The following ASPH variants were observed in gnomAD, a reference collection of about 807,000 sequenced individuals.
ASPH encodes aspartate beta-hydroxylase.
ASPH carries 100 observed loss-of-function variants against 118.4 expected under a neutral mutation model. The ratio of observed to expected loss-of-function variants is 0.84; its 90% CI spans 0.72 to 1.00. ASPH has a LOEUF of 1.00. ASPH is among the 50% of genes least tolerant of loss of function. The pLI, the probability that ASPH is intolerant of heterozygous loss-of-function variation, is 0.00. For missense variants in ASPH, 920 were observed against 919.5 expected (o/e 1.00, Z -0.01); for synonymous variants, 315 against 325.6 (o/e 0.97, Z 0.35).
chr8:61,672,563 C>G (rs1823150312), intron 3 of ASPH, among the ~76,000 whole-genome samples: 1 of 149,476 alleles, frequency 6.7e-6, no homozygotes, highest in African/African-American at 2.4e-5. Context: ...CAAGGAGTAA[C>G]TCCTCATCCT....
At chr8:61,567,021 A>T in intron 17 of ASPH, 147 bp downstream of exon 17, 1 of 929,130 alleles carries the variant, frequency 1.1e-6, no homozygotes, top group Non-Finnish European at 1.5e-6. Context: ...AGAGATGGTG[A>T]GCCTAGGACA....
At chr8:61,637,441 C>G (rs1858325435) in intron 12 of ASPH, among the ~76,000 whole-genome samples, 2 of 152,124 alleles carry the variant, frequency 1.3e-5, no homozygotes, top group South Asian at 2.1e-4. Flanking sequence ...TAACTAAGAA[C>G]TGTATTTAAA....
chr8:61,654,650 T>C lies in ASPH; in HGVS notation c.323-990A>G, dbSNP rs564968176. On this transcript the variant is annotated intron_variant, in intron 3 of 24. Transcript: ENST00000379454. ...TTTTCCTATGTCTCTTCATGTTTCT[T>C]TTATGGACAAAAACATACTCCCACA... is the stretch of plus-strand genomic sequence containing the variant. Among the ~76,000 whole-genome samples, 3 of 152,310 alleles carry C rather than the reference T, an allele frequency of 2.0e-5. No individual in the cohort carries two copies. The East Asian group carries it at 5.8e-4, about 29-fold the overall frequency.
At chr8:61,704,223 A>C (rs965095568) in intron 1 of ASPH, among the ~76,000 whole-genome samples, 2 of 143,100 alleles carry the variant, frequency 1.4e-5, no homozygotes, top group East Asian at 2.0e-4. Context: ...AAAAAAAAAA[A>C]AAAAAAAAAA....
chr8:61,625,998 C>T, intron 13 of ASPH: 1 of 1,193,816 alleles, frequency 8.4e-7, no homozygotes, highest in Non-Finnish European at 1.0e-6. Flanking sequence ...AGCTGTCTCA[C>T]AAAAAGAAAA....
Position 61,714,473 on chromosome 8 carries a change from G to T in ASPH, c.-102C>A. ...GCTGGCGGCGGCGGGCCGCTGGAGC[G>T]GGTTCGGGCCGCTGCTCCTGCAGCA... is the stretch of plus-strand genomic sequence containing the variant. On this transcript the variant is annotated 5_prime_UTR_variant, in exon 1 of 25. Transcript: ENST00000379454. The T allele has an allele frequency of 7.4e-7, 1 of 1,353,234 alleles. No homozygotes were observed. Among genetic ancestry groups the T allele is most frequent in the South Asian group, 1.7e-5 (1 of 59,754 alleles). The allele number at this position is 1,353,234 out of a possible 1,614,324, so 83.8% of individuals were successfully genotyped here.
chr8:61,630,502 T>C (rs768949343), intron 13 of ASPH, among the ~76,000 whole-genome samples: 3 of 152,120 alleles, frequency 2.0e-5, no homozygotes, highest in Non-Finnish European at 4.4e-5. Context: ...CCAAGTGCAA[T>C]GGTTAAAAAT....
rs1036200859 is a variant in ASPH at position 61,665,471 on chromosome 8, A to T, written c.323-11811T>A. ...ACCCTTAGGAGACTCCTTCCTGGATAGGTCTGCATCAGCAATTTTCTTATC... is the reference window on the plus strand; with the variant it reads ...ACCCTTAGGAGACTCCTTCCTGGATTGGTCTGCATCAGCAATTTTCTTATC... On this transcript the variant is annotated intron_variant, in intron 3 of 24. Transcript: ENST00000379454. 4 of 1,571,830 alleles carry T rather than the reference A, an allele frequency of 2.5e-6. No homozygotes were observed. In the South Asian group the frequency reaches 4.6e-5, roughly 18 times the overall value.
chr8:61,583,847 T>C (rs1838390004), intron 15 of ASPH, 97 bp downstream of exon 15: 1 of 874,122 alleles, frequency 1.1e-6, no homozygotes, highest in Admixed American at 3.0e-5. Flanking sequence ...AACTGTTGTT[T>C]CTTTTACACT....
chr8:61,590,492 C>T (rs1384267361), intron 14 of ASPH, among the ~76,000 whole-genome samples: 3 of 151,538 alleles, frequency 2.0e-5, no homozygotes, highest in Non-Finnish European at 4.4e-5. Flanking sequence ...CCCTGGGCTG[C>T]CATTTTGCTT....
chr8:61,675,779 T>C, intron 3 of ASPH: 1 of 1,174,890 alleles, frequency 8.5e-7, no homozygotes, highest in East Asian at 4.2e-5. Context: ...AGTGAATACA[T>C]GAGTTGAAAC....
intron 22 of ASPH, among the ~76,000 whole-genome samples, chr8:61,521,480 C>A (rs886477717): frequency 6.6e-6 from 1 of 152,196 alleles, no homozygotes; most frequent in African/African-American, 2.4e-5. Flanking sequence ...GCACACATCA[C>A]ACAGCTAACA....
At position 61,574,640 on chromosome 8, in the gene ASPH, T is replaced by C. The variant is rs533188111; in HGVS notation, c.1149+2132A>G. Among the ~76,000 whole-genome samples the C allele has an allele frequency of 4.0e-5, 6 of 151,764 alleles. No homozygotes were observed. In the Middle Eastern group the frequency reaches 0.01, roughly 258 times the overall value. On this transcript the variant is annotated intron_variant, in intron 16 of 24. Coordinates refer to ENST00000379454, the MANE Select transcript of ASPH (RefSeq NM_004318.4). Reference sequence around the variant, plus strand: ...ACATGTTCTCACTCATAAGTGGGAGTTGAACAATGAGAACACATGGACACA... The same window carrying C: ...ACATGTTCTCACTCATAAGTGGGAGCTGAACAATGAGAACACATGGACACA...
chr8:61,507,623 A>G (rs1401368601), intron 24 of ASPH, among the ~76,000 whole-genome samples: 1 of 149,904 alleles, frequency 6.7e-6, no homozygotes, highest in Non-Finnish European at 1.5e-5. Flanking sequence ...AAGTGACTCC[A>G]GGTTAAATTC....
intron 18 of ASPH, among the ~76,000 whole-genome samples, chr8:61,562,391 G>GTGTGTGTGTA: frequency 4.4e-5 from 1 of 22,832 alleles, no homozygotes; most frequent in Non-Finnish European, 1.6e-4. Context: ...AAGTGTGTCT[G>GTGTGTGTGTA]TGTGTGTGTG....
intron 21 of ASPH, among the ~76,000 whole-genome samples, chr8:61,526,845 G>A (rs917203945): frequency 4.6e-5 from 7 of 152,104 alleles, no homozygotes; most frequent in African/African-American, 1.7e-4. Flanking sequence ...GGAGTGGGAG[G>A]TGGGGGACAG....
intron 14 of ASPH, among the ~76,000 whole-genome samples, chr8:61,587,953 T>C (rs1839959372): frequency 6.6e-6 from 1 of 152,158 alleles, no homozygotes; most frequent in African/African-American, 2.4e-5. Flanking sequence ...GGGCCTCAGC[T>C]TTCTTACCCA....
intron 16 of ASPH, among the ~76,000 whole-genome samples, chr8:61,572,279 C>T (rs1833684699): frequency 6.6e-6 from 1 of 152,156 alleles, no homozygotes; most frequent in African/African-American, 2.4e-5. Context: ...TCTGAATCTA[C>T]CATTTCCCAG....
intron 12 of ASPH, among the ~76,000 whole-genome samples, chr8:61,636,992 C>T (rs1336632184): frequency 6.6e-6 from 1 of 152,104 alleles, no homozygotes; most frequent in Non-Finnish European, 1.5e-5. Flanking sequence ...TTTAGCCTCC[C>T]CGATTCCCTT....
Sources: gnomAD v4.1 joint callset for allele counts (sites outside exome capture counted in the v4.1 genomes callset) on GRCh38, gnomAD v4.1.1 for gene constraint, MANE v1.5 for transcripts, NCBI Gene and HGNC (gene_info 2026-07-23, HGNC 2026-07-21) for gene names.